The following VCPIP1 variants were observed in gnomAD, a reference collection of about 807,000 sequenced individuals.
VCPIP1 encodes the protein valosin containing protein interacting protein 1.
VCPIP1 carries 8 observed loss-of-function variants against 85.0 expected under a neutral mutation model. The observed-to-expected ratio is 0.09, with a 90% CI of 0.06 to 0.17. The LOEUF is 0.17. Among genes scored for constraint, VCPIP1 ranks in the 10% least tolerant of loss-of-function variants. The probability of loss-of-function intolerance (pLI) is 1.00; values close to 1 mark genes in which losing one functional copy is unlikely to be tolerated. For missense variants in VCPIP1, 1,070 were observed against 1,486.3 expected, an observed-to-expected ratio of 0.72 and a Z score of 4.61; for synonymous variants, 543 against 544.5, an observed-to-expected ratio of 1.00 and a Z score of 0.04.
At chr8:66,643,470 G>C (rs1810966741) in intron 2 of VCPIP1, among the ~76,000 whole-genome samples, 1 of 152,100 alleles carries the variant, frequency 6.6e-6, no homozygotes, top group Non-Finnish European at 1.5e-5. Flanking sequence ...GGAAGGCCAA[G>C]GTGGGTAGAT....
intron 2 of VCPIP1, among the ~76,000 whole-genome samples, chr8:66,637,904 G>A (rs1810905042): frequency 6.6e-6 from 1 of 152,164 alleles, no homozygotes; most frequent in South Asian, 2.1e-4. Context: ...CCCAGGAGGT[G>A]GAACTTGCAG....
chr8:66,665,229 T>C lies in VCPIP1; in HGVS notation c.1730A>G (p.Lys577Arg). The change falls in exon 1 of 3, where the codon AAA (lysine) becomes AGA (arginine). Residue 577 changes from lysine (K) to arginine (R), a missense_variant. Physicochemically the swap from Lys to Arg is conservative, Grantham distance 26. Transcript: ENST00000310421. This position sits in a 1 kb window ranked among gnomAD's most constrained non-coding sequence, Gnocchi z 4.3. ...STGGKCGCGF[K>R]HFWDGKEYDN... ...ATACTCCTTACCATCCCAAAAGTGT[T>C]TGAATCCACAACCACATTTGCCACC... is the stretch of plus-strand genomic sequence containing the variant. 5 of 1,614,170 alleles carry C rather than the reference T, an allele frequency of 3.1e-6. No homozygotes were observed. Among genetic ancestry groups the C allele is most frequent in the East Asian group, 2.2e-5 (1 of 44,890 alleles).
chr8:66,651,185 CAAA>C (rs896750189), intron 2 of VCPIP1, among the ~76,000 whole-genome samples: 3 of 51,156 alleles, frequency 5.9e-5, no homozygotes. Flanking sequence ...AATTCCATCT[CAAA>C]AAAAAAAAAA....
At chr8:66,658,136 C>T (rs1811117849) in intron 1 of VCPIP1, among the ~76,000 whole-genome samples, 1 of 152,008 alleles carries the variant, frequency 6.6e-6, no homozygotes, top group African/African-American at 2.4e-5. Context: ...GAGTTCGAGA[C>T]CAGCCCAGCC....
At chr8:66,637,813 CA>C (rs1228713602) in intron 2 of VCPIP1, among the ~76,000 whole-genome samples, 2 of 150,352 alleles carry the variant, frequency 1.3e-5, no homozygotes, top group African/African-American at 2.4e-5. Context: ...ACCAAAAATA[CA>C]AAAAAAAATT....
At chr8:66,654,702 A>G (rs1356396351) in intron 1 of VCPIP1, among the ~76,000 whole-genome samples, 1 of 152,178 alleles carries the variant, frequency 6.6e-6, no homozygotes, top group Admixed American at 6.5e-5. Context: ...CCACTCTCCT[A>G]TGGCTCTCCA....
rs146920303 is a variant in VCPIP1 at position 66,635,466 on chromosome 8, A to G, written c.2798-94T>C. The G allele has an allele frequency of 1.1e-5, 14 of 1,254,088 alleles. No individual in the cohort carries two copies. In the African/African-American group the frequency reaches 1.2e-4, roughly 11 times the overall value. The allele number at this position is 1,254,088 out of a possible 1,614,324, so 77.7% of individuals were successfully genotyped here. On this transcript the variant is annotated intron_variant, in intron 2 of 2. Transcript: ENST00000310421. ...TTATAGTTAAAATAATGAATTTTAAATAACAATTTACAGATAACAGCTTTC... is the reference window on the plus strand; with the variant it reads ...TTATAGTTAAAATAATGAATTTTAAGTAACAATTTACAGATAACAGCTTTC...
intron 1 of VCPIP1, among the ~76,000 whole-genome samples, chr8:66,657,996 T>G (rs1262906948): frequency 6.6e-6 from 1 of 152,186 alleles, no homozygotes; most frequent in Non-Finnish European, 1.5e-5. Context: ...ATTACAAGTA[T>G]GCTACATATA....
At chr8:66,644,343 A>G (rs1328734261) in intron 2 of VCPIP1, among the ~76,000 whole-genome samples, 1 of 152,228 alleles carries the variant, frequency 6.6e-6, no homozygotes, top group Non-Finnish European at 1.5e-5. Flanking sequence ...ACAAAATATT[A>G]GCAAATTAAA....
At chr8:66,636,484 C>T (rs1226919029) in intron 2 of VCPIP1, among the ~76,000 whole-genome samples, 1 of 152,032 alleles carries the variant, frequency 6.6e-6, no homozygotes, top group African/African-American at 2.4e-5. Context: ...GTGGCTCACA[C>T]CTGTAATCCC....
chr8:66,636,427 T>A (rs1192141915), intron 2 of VCPIP1, among the ~76,000 whole-genome samples: 2 of 151,992 alleles, frequency 1.3e-5, no homozygotes, highest in Non-Finnish European at 2.9e-5. Flanking sequence ...ATCTACCTGT[T>A]GGAAGTATAT....
At chr8:66,640,713 G>A (rs77565452) in intron 2 of VCPIP1, among the ~76,000 whole-genome samples, 3 of 23,538 alleles carry the variant, frequency 1.3e-4, no homozygotes, top group African/African-American at 4.6e-3. Context: ...ATGGCTTGAC[G>A]GGGGGTACTT....
chr8:66,646,117 G>A (rs1810993311), intron 2 of VCPIP1, among the ~76,000 whole-genome samples: 1 of 151,018 alleles, frequency 6.6e-6, no homozygotes, highest in South Asian at 2.1e-4. Flanking sequence ...TGTCACCCAG[G>A]CCGGAGTGCC....
intron 1 of VCPIP1, among the ~76,000 whole-genome samples, chr8:66,659,139 A>T (rs1250571089): frequency 6.6e-6 from 1 of 152,136 alleles, no homozygotes; most frequent in Non-Finnish European, 1.5e-5. Flanking sequence ...TATGGTGGAT[A>T]ATGTACCACC....
chr8:66,648,525 T>TAATC lies in VCPIP1; in HGVS notation c.2797+2929_2797+2932dup, dbSNP rs1230141602. Among the ~76,000 whole-genome samples, 7 of 134,734 alleles carry TAATC rather than the reference T, an allele frequency of 5.2e-5. No individual in the cohort carries two copies. The South Asian group carries it at 1.0e-3, about 19-fold the overall frequency. The allele number at this position is 134,734 out of a possible 152,430, so 88.4% of individuals were successfully genotyped here. A position where few individuals can be genotyped will look rare whatever the true frequency, so the allele number is the denominator to read the frequency against. On this transcript the variant is annotated intron_variant, in intron 2 of 2. Transcript: ENST00000310421. ...CTATCCAATGTATCATCTATGTATC[T>TAATC]AATCTATCTATCTATCTATCTATCT... is the stretch of plus-strand genomic sequence containing the variant.
rs1477339563 is a variant in VCPIP1 at position 66,629,219 on chromosome 8, C to T, written c.*5282G>A. ...CCACCCTGGGAGCAGATGTGATCAT[C>T]ATCCTCGCAGAGAGGAATGCACAGA... On this transcript the variant is annotated 3_prime_UTR_variant, in exon 3 of 3. Transcript: ENST00000310421. The T allele has an allele frequency of 3.3e-5, 5 of 152,182 alleles. No homozygotes were observed. Among genetic ancestry groups the T allele is most frequent in the Admixed American group, 3.3e-4 (5 of 15,272 alleles). 9.4% of individuals were successfully genotyped at this position (152,182 alleles called of 1,614,324 possible). A position where few individuals can be genotyped will look rare whatever the true frequency, so the allele number is the denominator to read the frequency against.
intron 1 of VCPIP1, among the ~76,000 whole-genome samples, chr8:66,658,150 A>G (rs550654145): frequency 1.4e-3 from 211 of 152,210 alleles, no homozygotes; most frequent in African/African-American, 4.6e-3. Flanking sequence ...CCCAGCCAAC[A>G]TGGTGAAACC....
In VCPIP1 at chr8:66,633,157, T is replaced by C. The variant is rs1810850798; in HGVS notation, c.*1344A>G. 1 of 152,608 alleles carries C rather than the reference T, an allele frequency of 6.6e-6. No homozygotes were observed. The highest frequency in any genetic ancestry group is 2.4e-5 in the African/African-American group (1 of 41,478). The allele number at this position is 152,608 out of a possible 1,614,324, so 9.5% of individuals were successfully genotyped here. A position where few individuals can be genotyped will look rare whatever the true frequency, so the allele number is the denominator to read the frequency against. On this transcript the variant is annotated 3_prime_UTR_variant, in exon 3 of 3. Coordinates refer to ENST00000310421, the MANE Select transcript of VCPIP1 (RefSeq NM_025054.5). ...TTTAAACATCTGATAAAATACTTTC[T>C]GACATACATTTTCTTAGAATTACAA...
At chr8:66,659,503 T>C (rs1360880126) in intron 1 of VCPIP1, among the ~76,000 whole-genome samples, 2 of 152,186 alleles carry the variant, frequency 1.3e-5, no homozygotes, top group Non-Finnish European at 2.9e-5. Context: ...GAATGACTTG[T>C]ACTAAGCCAA....
Sources: allele counts gnomAD v4.1 joint callset (sites outside exome capture counted in the v4.1 genomes callset), GRCh38; gene constraint gnomAD v4.1.1; non-coding constraint Gnocchi (gnomAD v3.1); transcripts MANE v1.5; gene names NCBI Gene and HGNC (gene_info 2026-07-23, HGNC 2026-07-21).